The following NXPH1 variants were observed in gnomAD, a reference collection of about 807,000 sequenced individuals.
The protein encoded by NXPH1 is neurexophilin-1.
Under a neutral mutation model 23.7 loss-of-function variants are expected in NXPH1, and 5 were observed. The observed-to-expected ratio is 0.21, with a 90% CI of 0.11 to 0.44. The LOEUF (loss-of-function observed/expected upper bound fraction) is 0.44. Ranked by LOEUF, NXPH1 falls within the 20% of genes least tolerant of loss-of-function variation. The pLI, the probability that NXPH1 is intolerant of heterozygous loss-of-function variation, is 0.99. For synonymous variants in NXPH1, 144 were observed against 122.2 expected (o/e 1.18, Z -1.18); for missense variants, 324 against 321.6 (o/e 1.01, Z -0.06).
At chr7:8,720,570 T>C (rs956807703) in intron 2 of NXPH1, among the ~76,000 whole-genome samples, 2 of 152,222 alleles carry the variant, frequency 1.3e-5, no homozygotes, top group Non-Finnish European at 2.9e-5. Context: ...TTAAAAAACA[T>C]TAGCTTCGCT....
At chr7:8,746,774 G>C (rs1271121832) in intron 2 of NXPH1, among the ~76,000 whole-genome samples, 2 of 151,888 alleles carry the variant, frequency 1.3e-5, no homozygotes, top group Non-Finnish European at 2.9e-5. Flanking sequence ...TTGCAAAGCA[G>C]ATCTCTAGAA....
At chr7:8,739,141 G>A (rs1021166020) in intron 2 of NXPH1, among the ~76,000 whole-genome samples, 5 of 122,182 alleles carry the variant, frequency 4.1e-5, no homozygotes, top group East Asian at 2.6e-4. Context: ...GAACGGTTTC[G>A]TCTCACTGGA....
rs182480198 is a variant in NXPH1 at position 8,442,515 on chromosome 7, C to G, written c.54+6748C>G. On this transcript the variant is annotated intron_variant, in intron 2 of 2. Coordinates refer to ENST00000405863, the MANE Select transcript of NXPH1 (RefSeq NM_152745.3). The surrounding 1 kb of genome is among the most constrained non-coding windows in gnomAD (Gnocchi z 4.6). Reference sequence around the variant, plus strand: ...GGAGAGGGCATCCGGCTCACACATCCCACCCTATGTCTTAGACCCCGTCCT... The same window carrying G: ...GGAGAGGGCATCCGGCTCACACATCGCACCCTATGTCTTAGACCCCGTCCT... Among the ~76,000 whole-genome samples the G allele has an allele frequency of 6.6e-6, 1 of 152,318 alleles. No homozygotes were observed. Among genetic ancestry groups the G allele is most frequent in the East Asian group, 1.9e-4 (1 of 5,178 alleles).
chr7:8,567,020 C>T (rs1584237038), intron 2 of NXPH1, among the ~76,000 whole-genome samples: 1 of 151,856 alleles, frequency 6.6e-6, no homozygotes, highest in Non-Finnish European at 1.5e-5. Context: ...AGGCTTCTCT[C>T]TTGACCGTCT....
intron 2 of NXPH1, among the ~76,000 whole-genome samples, chr7:8,519,982 T>A (rs780998855): frequency 6.6e-6 from 1 of 152,154 alleles, no homozygotes; most frequent in African/African-American, 2.4e-5. Context: ...AAATTTCTAG[T>A]GTTTTTCACT....
intron 2 of NXPH1, among the ~76,000 whole-genome samples, chr7:8,678,927 AATTTTTTTTTTTTTTT>A (rs2115174848): frequency 2.6e-5 from 2 of 77,736 alleles, no homozygotes; most frequent in African/African-American, 5.4e-5. Flanking sequence ...TGCTTTATCC[AATTTTTTTTTTTTTTT>A]TTTTTTTTTT....
At chr7:8,723,186 C>T (rs1255052883) in intron 2 of NXPH1, among the ~76,000 whole-genome samples, 2 of 152,192 alleles carry the variant, frequency 1.3e-5, no homozygotes, top group Non-Finnish European at 2.9e-5. Context: ...TAGCCTAACA[C>T]GTGTCTAACT....
intron 2 of NXPH1, among the ~76,000 whole-genome samples, chr7:8,657,622 A>G (rs1269456223): frequency 6.6e-6 from 1 of 152,228 alleles, no homozygotes; most frequent in Non-Finnish European, 1.5e-5. Context: ...AGATTCAGGT[A>G]TGATTTATGA....
intron 2 of NXPH1, among the ~76,000 whole-genome samples, chr7:8,515,331 T>C (rs544327197): frequency 6.6e-6 from 1 of 152,214 alleles, no homozygotes; most frequent in Non-Finnish European, 1.5e-5. Flanking sequence ...TAATATTTAT[T>C]GAGGGATAGA....
chr7:8,579,363 GT>G (rs752413628), intron 2 of NXPH1, among the ~76,000 whole-genome samples: 53 of 113,768 alleles, frequency 4.7e-4, no homozygotes, highest in Middle Eastern at 3.8e-3. Flanking sequence ...AGTTTTTTTT[GT>G]TTTTTTTTTT....
At chr7:8,505,698 T>C (rs1817510495) in intron 2 of NXPH1, among the ~76,000 whole-genome samples, 1 of 152,118 alleles carries the variant, frequency 6.6e-6, no homozygotes, top group African/African-American at 2.4e-5. Context: ...CATTAAAGTT[T>C]TGCATACACT....
intron 2 of NXPH1, among the ~76,000 whole-genome samples, chr7:8,745,200 C>T (rs1434126377): frequency 6.6e-6 from 1 of 152,100 alleles, no homozygotes; most frequent in African/African-American, 2.4e-5. Context: ...TTTTTTTCCC[C>T]TTTCTTTATT....
Position 8,570,384 on chromosome 7 carries a change from G to A in NXPH1, c.54+134617G>A, listed in dbSNP as rs73235742. 1.7e-3 allele frequency among the ~76,000 whole-genome samples: 254 copies of A among 152,000 alleles called. 3 individuals are homozygous for A. The highest frequency in any genetic ancestry group is 5.9e-3 in the African/African-American group (243 of 41,514). On this transcript the variant is annotated intron_variant, in intron 2 of 2. Transcript: ENST00000405863. ...CCTGGGCAAAGTCATCTTTTTGTGC[G>A]TTAGTGTCATTGTGAAGTGAGGGAT...
chr7:8,565,918 T>C (rs1818537433), intron 2 of NXPH1, among the ~76,000 whole-genome samples: 1 of 151,838 alleles, frequency 6.6e-6, no homozygotes, highest in Admixed American at 6.6e-5. Flanking sequence ...AACCTCACTG[T>C]AGCCTAACTC....
At chr7:8,528,628 A>C (rs1817902229) in intron 2 of NXPH1, among the ~76,000 whole-genome samples, 1 of 152,122 alleles carries the variant, frequency 6.6e-6, no homozygotes, top group Non-Finnish European at 1.5e-5. Context: ...TTCTTCTTTG[A>C]AGGAACAGCT....
chr7:8,572,008 G>T (rs1337525257), intron 2 of NXPH1, among the ~76,000 whole-genome samples: 1 of 151,900 alleles, frequency 6.6e-6, no homozygotes, highest in Non-Finnish European at 1.5e-5. Context: ...CCAGATTGTG[G>T]AATCTCTAAA....
intron 2 of NXPH1, among the ~76,000 whole-genome samples, chr7:8,612,017 T>G (rs984416687): frequency 6.6e-6 from 1 of 152,152 alleles, no homozygotes; most frequent in Non-Finnish European, 1.5e-5. Flanking sequence ...GTAAATTTCT[T>G]GAAGTTTCCA....
chr7:8,745,934 A>G (rs954007211), intron 2 of NXPH1, among the ~76,000 whole-genome samples: 1 of 152,114 alleles, frequency 6.6e-6, no homozygotes, highest in African/African-American at 2.4e-5. Context: ...AGCCTCTTTT[A>G]TCTACCACAT....
chr7:8,454,412 G>C (rs145626613), intron 2 of NXPH1, among the ~76,000 whole-genome samples: 201 of 152,234 alleles, frequency 1.3e-3, no homozygotes, highest in South Asian at 3.7e-3. Flanking sequence ...TACAAGGTCT[G>C]AGACAAAGCA....
Sources: gnomAD v4.1 joint callset for allele counts (sites outside exome capture counted in the v4.1 genomes callset) on GRCh38, gnomAD v4.1.1 for gene constraint, Gnocchi (gnomAD v3.1) non-coding constraint, MANE v1.5 for transcripts, NCBI Gene and HGNC (gene_info 2026-07-23, HGNC 2026-07-21) for gene names.